The following NBEA variants were observed in gnomAD, a reference collection of about 807,000 sequenced individuals.
NBEA encodes neurobeachin, also known as lysosomal-trafficking regulator 2.
Under a neutral mutation model 343.4 loss-of-function variants are expected in NBEA, and 44 were observed. The ratio of observed to expected loss-of-function variants is 0.13; its 90% CI spans 0.10 to 0.16. The LOEUF (loss-of-function observed/expected upper bound fraction) is 0.16. NBEA is among the 10% of genes least tolerant of loss of function. The pLI is 1.00. For synonymous variants in NBEA, 1,175 were observed against 1,238.7 expected, an observed-to-expected ratio of 0.95 and a Z score of 1.08; for missense variants, 2,555 against 3,631.3, an observed-to-expected ratio of 0.70 and a Z score of 7.62.
chr13:35,308,569 T>TATATGTAC (rs2037133959), intron 35 of NBEA, among the ~76,000 whole-genome samples: 1 of 8,568 alleles, frequency 1.2e-4, no homozygotes, highest in Non-Finnish European at 2.9e-4. Flanking sequence ...TATATATGTA[T>TATATGTAC]ATATATGTAT....
intron 21 of NBEA, among the ~76,000 whole-genome samples, chr13:35,157,730 T>C (rs1216613672): frequency 2.6e-5 from 4 of 152,128 alleles, no homozygotes; most frequent in Non-Finnish European, 5.9e-5. Context: ...TAAAAATCTG[T>C]ATGTCTATTT....
chr13:35,395,166 A>G (rs935981744), intron 38 of NBEA, among the ~76,000 whole-genome samples: 5 of 152,040 alleles, frequency 3.3e-5, no homozygotes, highest in Non-Finnish European at 5.9e-5. Context: ...CACATTATAT[A>G]TGACATATCT....
At chr13:35,122,734 A>G (rs1283277197) in intron 16 of NBEA, among the ~76,000 whole-genome samples, 1 of 152,320 alleles carries the variant, frequency 6.6e-6, no homozygotes, top group Admixed American at 6.5e-5. Flanking sequence ...AAAATCTTAG[A>G]GTAGGAACCA....
chr13:35,100,776 GA>G (rs2065605451), intron 11 of NBEA, among the ~76,000 whole-genome samples: 1 of 151,922 alleles, frequency 6.6e-6, no homozygotes, highest in Non-Finnish European at 1.5e-5. Context: ...TTTCGAATAA[GA>G]TTAGACATTT....
intron 38 of NBEA, among the ~76,000 whole-genome samples, chr13:35,356,846 A>T (rs1189053972): frequency 2.0e-5 from 3 of 152,090 alleles, no homozygotes; most frequent in African/African-American, 7.2e-5. Flanking sequence ...CTTCTGCATG[A>T]TATACTCAGA....
intron 41 of NBEA, among the ~76,000 whole-genome samples, chr13:35,484,754 G>A (rs1244076502): frequency 6.6e-6 from 1 of 151,964 alleles, no homozygotes; most frequent in African/African-American, 2.4e-5. Flanking sequence ...CCTGATAAAT[G>A]ACTGCATGTA....
At chr13:35,010,914 T>TA (rs1187376040) in intron 1 of NBEA, among the ~76,000 whole-genome samples, 4 of 150,992 alleles carry the variant, frequency 2.6e-5, no homozygotes, top group South Asian at 2.1e-4. Flanking sequence ...CCCATTTCTT[T>TA]AAAAAAAGGG....
intron 1 of NBEA, among the ~76,000 whole-genome samples, chr13:34,945,474 C>A (rs2059159132): frequency 6.6e-6 from 1 of 152,038 alleles, no homozygotes; most frequent in African/African-American, 2.4e-5. Context: ...AAACTTAATT[C>A]TATTTATTTA....
intron 58 of NBEA, among the ~76,000 whole-genome samples, chr13:35,669,825 C>T (rs2085524828): frequency 6.6e-6 from 1 of 151,992 alleles, no homozygotes; most frequent in Non-Finnish European, 1.5e-5. Context: ...CATATGAGGG[C>T]ACCAGGAACA....
At chr13:35,553,175 A>G (rs2153015255) in intron 43 of NBEA, among the ~76,000 whole-genome samples, 1 of 152,250 alleles carries the variant, frequency 6.6e-6, no homozygotes, top group Non-Finnish European at 1.5e-5. Flanking sequence ...TACAGGCAAC[A>G]GTCACCATGC....
At chr13:35,077,009 A>T (rs543052384) in intron 10 of NBEA, among the ~76,000 whole-genome samples, 1 of 152,098 alleles carries the variant, frequency 6.6e-6, no homozygotes, top group East Asian at 1.9e-4. Context: ...AATACTTTTA[A>T]TAGATTGTAG....
intron 36 of NBEA, among the ~76,000 whole-genome samples, chr13:35,323,751 C>T (rs975760188): frequency 6.6e-6 from 1 of 151,790 alleles, no homozygotes; most frequent in African/African-American, 2.4e-5. Flanking sequence ...AATATATCTA[C>T]TTATGTACAC....
intron 10 of NBEA, among the ~76,000 whole-genome samples, chr13:35,071,645 A>G (rs1440167433): frequency 6.6e-6 from 1 of 151,918 alleles, no homozygotes; most frequent in Non-Finnish European, 1.5e-5. Flanking sequence ...GTAGTGCTTC[A>G]TTAGTGTATA....
At chr13:35,385,871 T>C (rs901990129) in intron 38 of NBEA, among the ~76,000 whole-genome samples, 35 of 152,152 alleles carry the variant, frequency 2.3e-4, no homozygotes, top group African/African-American at 7.5e-4. Flanking sequence ...ATGTGGAAGG[T>C]GGAGCTTAAT....
intron 55 of NBEA, among the ~76,000 whole-genome samples, chr13:35,656,120 GC>G (rs1412694822): frequency 6.6e-6 from 1 of 152,118 alleles, no homozygotes. Flanking sequence ...AGAAGATTTT[GC>G]CTGTGTCTCA....
intron 39 of NBEA, among the ~76,000 whole-genome samples, chr13:35,438,203 G>A (rs1407051001): frequency 1.3e-5 from 2 of 152,138 alleles, no homozygotes; most frequent in Non-Finnish European, 2.9e-5. Context: ...CTGCAAATGA[G>A]AACATTCTTA....
At chr13:35,072,640 C>T (rs2063923216) in intron 10 of NBEA, among the ~76,000 whole-genome samples, 1 of 152,110 alleles carries the variant, frequency 6.6e-6, no homozygotes, top group Non-Finnish European at 1.5e-5. Flanking sequence ...TGGCTCACTG[C>T]AACCTCTGCT....
chr13:35,460,455 A>G (rs1442198944), intron 40 of NBEA, among the ~76,000 whole-genome samples: 2 of 152,246 alleles, frequency 1.3e-5, no homozygotes, highest in African/African-American at 4.8e-5. Context: ...TAAAAGCTAA[A>G]GTATTTAAAT....
intron 46 of NBEA, among the ~76,000 whole-genome samples, chr13:35,584,782 G>C (rs565638256): frequency 5.5e-4 from 83 of 152,004 alleles, no homozygotes; most frequent in African/African-American, 1.9e-3. Flanking sequence ...TTACAGGCGT[G>C]AGCCACCACG....
Sources: allele counts gnomAD v4.1 joint callset (sites outside exome capture counted in the v4.1 genomes callset), GRCh38; gene constraint gnomAD v4.1.1; transcripts MANE v1.5; gene names NCBI Gene and HGNC (gene_info 2026-07-23, HGNC 2026-07-21).